PTPRT: variants seen among roughly 807,000 people sequenced by gnomAD.
The protein encoded by PTPRT is receptor-type tyrosine-protein phosphatase T.
A neutral mutation model predicts 176.8 loss-of-function variants in PTPRT; 56 were observed. That is an observed-to-expected ratio of 0.32 (90% CI 0.26 to 0.40). The LOEUF (loss-of-function observed/expected upper bound fraction) is 0.40, where lower values mean the gene tolerates loss of function less well. PTPRT is among the 10% of genes least tolerant of loss of function. The probability of loss-of-function intolerance (pLI) is 1.00; values close to 1 mark genes in which losing one functional copy is unlikely to be tolerated. For synonymous variants in PTPRT, 783 were observed against 739.0 expected, an observed-to-expected ratio of 1.06 and a Z score of -0.96; for missense variants, 1,540 against 1,908.2, an observed-to-expected ratio of 0.81 and a Z score of 3.60.
At chr20:42,979,398 T>C (rs1983144970) in intron 1 of PTPRT, among the ~76,000 whole-genome samples, 1 of 152,328 alleles carries the variant, frequency 6.6e-6, no homozygotes, top group African/African-American at 2.4e-5. Flanking sequence ...ACTAACTCCA[T>C]TATCCTTTCT....
At chr20:42,696,600 C>A (rs1396784196) in intron 6 of PTPRT, among the ~76,000 whole-genome samples, 2 of 151,944 alleles carry the variant, frequency 1.3e-5, no homozygotes, top group Admixed American at 1.3e-4. Context: ...GGACTACAGG[C>A]ACCTGCTACC....
intron 1 of PTPRT, among the ~76,000 whole-genome samples, chr20:42,914,892 T>A (rs78251933): frequency 4.0e-5 from 6 of 150,546 alleles, no homozygotes; most frequent in Non-Finnish European, 7.4e-5. Context: ...AAAAAAAAAA[T>A]ACATACCAAA....
At chr20:43,014,978 C>T (rs1006694455) in intron 1 of PTPRT, among the ~76,000 whole-genome samples, 1 of 152,232 alleles carries the variant, frequency 6.6e-6, no homozygotes, top group African/African-American at 2.4e-5. Flanking sequence ...ACACAAATCT[C>T]TCTTCAGTCT....
Position 42,079,259 on chromosome 20 carries a change from A to G in PTPRT, c.*1620T>C, listed in dbSNP as rs2146077569. 1 of 207,914 alleles carries G rather than the reference A, an allele frequency of 4.8e-6. No homozygotes were observed. Among genetic ancestry groups the G allele is most frequent in the Non-Finnish European group, 9.8e-6 (1 of 101,934 alleles). 12.9% of individuals were successfully genotyped at this position (207,914 alleles called of 1,614,324 possible). On this transcript the variant is annotated 3_prime_UTR_variant, in exon 31 of 31. Transcript: ENST00000373187. Reference sequence around the variant, plus strand: ...TTCTGCGCTTCCCAGAAGAACTGGCATCAGGAAGAAAGTACTAAATTTCCA... The same window carrying G: ...TTCTGCGCTTCCCAGAAGAACTGGCGTCAGGAAGAAAGTACTAAATTTCCA...
chr20:42,471,309 C>T lies in PTPRT; in HGVS notation c.1450+957G>A, dbSNP rs567042612. Among the ~76,000 whole-genome samples the T allele has an allele frequency of 3.3e-5, 5 of 152,244 alleles. No homozygotes were observed. In the East Asian group the frequency reaches 7.7e-4, roughly 24 times the overall value. On this transcript the variant is annotated intron_variant, in intron 8 of 30. Coordinates refer to ENST00000373187, the MANE Select transcript of PTPRT (RefSeq NM_007050.6). ...GATATAGTTTGGGTATTTGTCCCCT[C>T]CCAAATCTCATGTTGAACTGTAATC...
intron 6 of PTPRT, among the ~76,000 whole-genome samples, chr20:42,708,594 G>A (rs1389849127): frequency 6.6e-6 from 1 of 152,148 alleles, no homozygotes; most frequent in East Asian, 1.9e-4. Flanking sequence ...CAAGATAGCA[G>A]GCATGCTCTA....
rs986056403 is a variant in PTPRT at position 42,160,936 on chromosome 20, G to A, written c.2682+416C>T. On this transcript the variant is annotated intron_variant, in intron 17 of 30. Coordinates refer to ENST00000373187, the MANE Select transcript of PTPRT (RefSeq NM_007050.6). ...GTGACCAAGGGCAAGCATGCATGCT[G>A]GAAATCATTGGCAGGGGAGATGTGC... 3.9e-5 allele frequency among the ~76,000 whole-genome samples: 6 copies of A among 152,158 alleles called. No individual in the cohort carries two copies. In the South Asian group the frequency reaches 1.2e-3, roughly 32 times the overall value.
intron 18 of PTPRT, among the ~76,000 whole-genome samples, chr20:42,134,152 T>C (rs1341286903): frequency 6.6e-6 from 1 of 152,202 alleles, no homozygotes; most frequent in African/African-American, 2.4e-5. Flanking sequence ...CCCCTTCTTC[T>C]TCTAACTTTA....
chr20:42,281,339 A>C (rs2057135799), intron 13 of PTPRT, among the ~76,000 whole-genome samples: 1 of 152,090 alleles, frequency 6.6e-6, no homozygotes. Flanking sequence ...CTCATGTGAA[A>C]TCATGGTGAC....
At chr20:42,693,918 T>C (rs925549300) in intron 6 of PTPRT, among the ~76,000 whole-genome samples, 2 of 152,092 alleles carry the variant, frequency 1.3e-5, no homozygotes, top group African/African-American at 4.8e-5. Flanking sequence ...CACCAATCTG[T>C]TTTCTACTTC....
chr20:43,115,105 G>GCT (rs1053396069), intron 1 of PTPRT, among the ~76,000 whole-genome samples: 1 of 152,052 alleles, frequency 6.6e-6, no homozygotes, highest in Non-Finnish European at 1.5e-5. Flanking sequence ...CTCTGGATTA[G>GCT]CTCTCTCTCT....
At chr20:42,458,173 T>C (rs760904046) in intron 8 of PTPRT, among the ~76,000 whole-genome samples, 2 of 152,232 alleles carry the variant, frequency 1.3e-5, no homozygotes, top group African/African-American at 2.4e-5. Context: ...GGAGCAGCCA[T>C]GGCATCGTTT....
the PTPRT span, among the ~76,000 whole-genome samples, chr20:42,061,458 A>T: frequency 6.6e-6 from 1 of 152,214 alleles, no homozygotes; most frequent in Non-Finnish European, 1.5e-5. Flanking sequence ...TATGATTTTA[A>T]GAAGCCTCAT....
chr20:42,046,236 C>T, the PTPRT span, among the ~76,000 whole-genome samples: 1,786 of 152,280 alleles, frequency 0.012, 13 homozygotes, highest in South Asian at 0.022. Flanking sequence ...CTTTCTTAAT[C>T]GCTTTATTCA....
intron 6 of PTPRT, among the ~76,000 whole-genome samples, chr20:42,698,744 T>C (rs1253821945): frequency 6.6e-6 from 1 of 152,182 alleles, no homozygotes; most frequent in East Asian, 1.9e-4. Flanking sequence ...ACACTCATTA[T>C]ATGCTTGGCC....
intron 1 of PTPRT, among the ~76,000 whole-genome samples, chr20:43,071,909 C>A (rs1350593299): frequency 6.6e-6 from 1 of 152,228 alleles, no homozygotes; most frequent in African/African-American, 2.4e-5. Context: ...GAGCTGCTGC[C>A]CCACTTAAAC....
intron 6 of PTPRT, chr20:42,685,791 C>G (rs190607520): frequency 1.3e-5 from 2 of 152,056 alleles, no homozygotes; most frequent in Non-Finnish European, 2.9e-5. Flanking sequence ...CCTAGTAAAC[C>G]TGCATCAGTT....
intron 13 of PTPRT, among the ~76,000 whole-genome samples, chr20:42,275,921 T>C (rs1450305712): frequency 6.6e-6 from 1 of 152,156 alleles, no homozygotes; most frequent in African/African-American, 2.4e-5. Context: ...AGCATTGTCC[T>C]GCCCAAACCC....
At chr20:42,524,256 A>G (rs891725222) in intron 7 of PTPRT, among the ~76,000 whole-genome samples, 2 of 152,226 alleles carry the variant, frequency 1.3e-5, no homozygotes, top group South Asian at 2.1e-4. Context: ...TGATTTTTGC[A>G]TAGTAGGCTT....
Sources: allele counts gnomAD v4.1 joint callset (sites outside exome capture counted in the v4.1 genomes callset), GRCh38; gene constraint gnomAD v4.1.1; transcripts MANE v1.5; gene names NCBI Gene and HGNC (gene_info 2026-07-23, HGNC 2026-07-21).